The following PCNT variants were observed in gnomAD, a reference collection of about 807,000 sequenced individuals.
PCNT encodes pericentrin, also known as kendrin.
PCNT carries 319 observed loss-of-function variants against 380.4 expected under a neutral mutation model. The ratio of observed to expected loss-of-function variants is 0.84; its 90% CI spans 0.77 to 0.92. PCNT has a LOEUF of 0.92. Ranked by LOEUF, PCNT falls within the 40% of genes least tolerant of loss-of-function variation. The probability of loss-of-function intolerance (pLI) is 0.00; values close to 1 mark genes in which losing one functional copy is unlikely to be tolerated. For synonymous variants in PCNT, 1,845 were observed against 1,735.2 expected, an observed-to-expected ratio of 1.06 and a Z score of -1.57; for missense variants, 4,400 against 4,255.3, an observed-to-expected ratio of 1.03 and a Z score of -0.95.
At chr21:46,372,513 G>T (rs1020282924) in intron 15 of PCNT, among the ~76,000 whole-genome samples, 3 of 152,218 alleles carry the variant, frequency 2.0e-5, no homozygotes, top group Non-Finnish European at 2.9e-5. Context: ...TGGCCTTTCT[G>T]TGGGGGGAGG....
intron 13 of PCNT, among the ~76,000 whole-genome samples, chr21:46,358,620 G>T (rs922933774): frequency 7.0e-5 from 10 of 142,250 alleles, no homozygotes; most frequent in Non-Finnish European, 1.5e-4. Context: ...TTGTTGTTTT[G>T]TTGTTTTGTT....
chr21:46,422,932 C>T lies in PCNT; in HGVS notation c.7179+808C>T, dbSNP rs539090743. 2.0e-5 allele frequency among the ~76,000 whole-genome samples: 3 copies of T among 152,218 alleles called. No homozygotes were observed. In the East Asian group the frequency reaches 5.8e-4, roughly 30 times the overall value. ...ATCCATGACGTTAAGTGAGGACTTA[C>T]TGCATTCAGAATAAAACTTGTTTTA... On this transcript the variant is annotated intron_variant, in intron 32 of 46. Transcript: ENST00000359568.
At chr21:46,396,957 C>A (rs1601952295) in intron 21 of PCNT, among the ~76,000 whole-genome samples, 1 of 152,156 alleles carries the variant, frequency 6.6e-6, no homozygotes, top group East Asian at 1.9e-4. Flanking sequence ...AGACACGTCA[C>A]AACCCCAGGC....
At position 46,367,114 on chromosome 21, in the gene PCNT, C is replaced by T. The variant is rs1342063381; in HGVS notation, c.3140C>T (p.Ala1047Val). Residue 1047 changes from alanine to valine, a missense_variant, in exon 15 of 47, where the codon GCT becomes GTT. By Grantham distance (64) the Ala-to-Val change is moderately conservative. Coordinates refer to ENST00000359568, the MANE Select transcript of PCNT (RefSeq NM_006031.6). ...AGCACAGAGCTCGCCGGAACCGTGG[C>T]TCACGAGCTGCAGGGAGTGCACCAG... The part of the protein sequence containing the change: ...EVSTELAGTV[A>V]HELQGVHQGE... 6.2e-7 allele frequency: 1 copy of T among 1,613,246 alleles called. No homozygotes were observed. The highest frequency in any genetic ancestry group is 8.5e-7 in the Non-Finnish European group (1 of 1,180,006).
intron 2 of PCNT, among the ~76,000 whole-genome samples, chr21:46,327,982 T>G (rs936339214): frequency 1.4e-4 from 22 of 152,294 alleles, no homozygotes; most frequent in African/African-American, 5.1e-4. Context: ...AGGCGGGCTG[T>G]CCTTGGGCCT....
chr21:46,379,379 G>A (rs140837029), intron 15 of PCNT, among the ~76,000 whole-genome samples: 2 of 152,324 alleles, frequency 1.3e-5, no homozygotes, highest in Non-Finnish European at 2.9e-5. Flanking sequence ...GCACTGGCTG[G>A]CCTCAAGCTT....
At chr21:46,384,110 G>A (rs1490470289) in intron 16 of PCNT, among the ~76,000 whole-genome samples, 4 of 142,638 alleles carry the variant, frequency 2.8e-5, no homozygotes, top group African/African-American at 5.2e-5. Flanking sequence ...TGGCGGAAGC[G>A]CATTCACAGT....
chr21:46,329,718 A>AAACAATGGCAAGATGGCCAAGGTAAAGC (rs1569157128), intron 2 of PCNT, among the ~76,000 whole-genome samples: 3 of 152,228 alleles, frequency 2.0e-5, no homozygotes, highest in African/African-American at 7.2e-5. Flanking sequence ...AAACTTGGTG[A>AAACAATGGCAAGATGGCCAAGGTAAAGC]AACAATGGCA....
rs2087469794 is a variant in PCNT, at chr21:46,425,798, GCAA to G, written c.7180-31_7180-29del. On this transcript the variant is annotated intron_variant, in intron 32 of 46. Transcript: ENST00000359568. This position sits in a 1 kb window ranked among gnomAD's most constrained non-coding sequence, Gnocchi z 4.2. The stretch of plus-strand genomic sequence containing the variant: ...AGAGCGTGGCTGTGTGGGGTGGCAG[GCAA>G]CTCCCTTCTGACGCGCTTTCCCGCC... 2 of 1,610,502 alleles carry G rather than the reference GCAA, an allele frequency of 1.2e-6. No homozygotes were observed. The highest frequency in any genetic ancestry group is 1.7e-5 in the Admixed American group (1 of 59,846).
chr21:46,361,369 C>T (rs1013498056), intron 13 of PCNT, among the ~76,000 whole-genome samples: 7 of 152,148 alleles, frequency 4.6e-5, no homozygotes, highest in East Asian at 1.9e-4. Flanking sequence ...CCAGCCTGAG[C>T]GGCAGAGCGA....
chr21:46,353,199 C>A lies in PCNT; in HGVS notation c.1552C>A (p.Gln518Lys), dbSNP rs1017321130. ...AACCCAGCATGAGTCCGAACTGGAG[C>A]AACTGAGGATTTATTTTGAAAAGAA... ...EKTQHESELE[Q>K]LRIYFEKKLR... The change falls in exon 10 of 47, where the codon CAA (glutamine) becomes AAA (lysine). Residue 518 changes from glutamine to lysine, a missense_variant. Physicochemically the swap from Gln to Lys is moderately conservative, Grantham distance 53. Transcript: ENST00000359568. 3.1e-6 allele frequency: 5 copies of A among 1,614,082 alleles called. No homozygotes were observed. The African/African-American group carries it at 4.0e-5, about 13-fold the overall frequency.
chr21:46,440,248 C>T (rs769933606), intron 42 of PCNT, 46 bp downstream of exon 42: 1 of 1,608,606 alleles, frequency 6.2e-7, no homozygotes, highest in Non-Finnish European at 8.5e-7. Flanking sequence ...TTTTTTAAGT[C>T]CTGGGTTTGC....
chr21:46,436,895 C>A, intron 39 of PCNT, 84 bp from the exon 40 acceptor site: 1 of 997,482 alleles, frequency 1.0e-6, no homozygotes, highest in Non-Finnish European at 1.6e-6. Context: ...TCTTGTCTCT[C>A]TTGAGCCGTG....
intron 27 of PCNT, 78 bp downstream of exon 27, chr21:46,402,561 C>T (rs1250980362): frequency 7.4e-6 from 11 of 1,492,526 alleles, no homozygotes; most frequent in South Asian, 3.4e-5. Flanking sequence ...AGACCCTCAT[C>T]GGGGAGGCGA....
intron 12 of PCNT, among the ~76,000 whole-genome samples, chr21:46,356,715 G>A (rs746228516): frequency 2.6e-5 from 4 of 152,236 alleles, no homozygotes; most frequent in African/African-American, 7.2e-5. Flanking sequence ...TGGGCGGGTC[G>A]TGTGGCTGTC....
At chr21:46,372,284 C>T (rs1043985584) in intron 15 of PCNT, among the ~76,000 whole-genome samples, 4 of 146,844 alleles carry the variant, frequency 2.7e-5, no homozygotes, top group African/African-American at 1.1e-4. Flanking sequence ...TGCATGCACA[C>T]AGCACATACA....
rs528317165 is a variant in PCNT, at chr21:46,337,932, G to A, written c.639+3164G>A. 3.1e-3 allele frequency among the ~76,000 whole-genome samples: 470 copies of A among 151,726 alleles called. 4 individuals carry two copies. Among genetic ancestry groups the A allele is most frequent in the African/African-American group, 0.011 (447 of 41,320 alleles). ...TCTGTTGTCCAGGCTGTAGTGCAGC[G>A]GTACAATCTTGGCTCACTACAGCCT... is the stretch of plus-strand genomic sequence containing the variant. On this transcript the variant is annotated intron_variant, in intron 3 of 46. Transcript: ENST00000359568.
Position 46,338,892 on chromosome 21 carries a change from C to T in PCNT, c.639+4124C>T, listed in dbSNP as rs549075423. Among the ~76,000 whole-genome samples, 15 of 151,882 alleles carry T rather than the reference C, an allele frequency of 9.9e-5. No individual in the cohort carries two copies. In the South Asian group the frequency reaches 2.3e-3, roughly 23 times the overall value. On this transcript the variant is annotated intron_variant, in intron 3 of 46. Transcript: ENST00000359568. ...GCCTCCCAGGCTCAAGGGGTTCTCC[C>T]GCCTCAGCCTCCCGAGTACCTGGGA...
chr21:46,346,878 A>G lies in PCNT; in HGVS notation c.856A>G (p.Ser286Gly). The change falls in exon 5 of 47, where the codon AGC becomes GGC. Residue 286 changes from serine (S) to glycine (G), a missense_variant. By Grantham distance (56) the Ser-to-Gly change is moderately conservative (BLOSUM62 0). Transcript: ENST00000359568. ...GACGGAGCTGCGGGAGATGCTCAAC[A>G]GCCGGCGTGCCCAGGAGCTGGCCCT... ...ALTELREMLN[S>G]RRAQELALLQ... 6.2e-7 allele frequency: 1 copy of G among 1,607,932 alleles called. No homozygotes were observed. The highest frequency in any genetic ancestry group is 1.3e-5 in the African/African-American group (1 of 75,006).
Sources: gnomAD v4.1 joint callset for allele counts (sites outside exome capture counted in the v4.1 genomes callset) on GRCh38, gnomAD v4.1.1 for gene constraint, Gnocchi (gnomAD v3.1) non-coding constraint, MANE v1.5 for transcripts, NCBI Gene and HGNC (gene_info 2026-07-23, HGNC 2026-07-21) for gene names.